The following AIM2 variants were observed in gnomAD, a reference collection of about 807,000 sequenced individuals.
AIM2 encodes absent in melanoma 2, also known as interferon-inducible protein AIM2.
Under a neutral mutation model 27.7 loss-of-function variants are expected in AIM2, and 30 were observed. The observed-to-expected ratio is 1.08, with a 90% CI of 0.81 to 1.47. The LOEUF (loss-of-function observed/expected upper bound fraction) is 1.47. AIM2 is among the 40% of genes most tolerant of loss of function. The pLI is 0.00. For synonymous variants in AIM2, 141 were observed against 145.3 expected, an observed-to-expected ratio of 0.97 and a Z score of 0.21; for missense variants, 358 against 411.3, an observed-to-expected ratio of 0.87 and a Z score of 1.12.
chr1:159,131,977 C>A (rs1343227725), intron 1 of AIM2, among the ~76,000 whole-genome samples: 1 of 152,012 alleles, frequency 6.6e-6, no homozygotes, highest in African/African-American at 2.4e-5. Context: ...CCTGCTTTGA[C>A]CCCAAAATAC....
chr1:159,112,039 C>T (rs1657588637), intron 1 of AIM2, among the ~76,000 whole-genome samples: 1 of 151,684 alleles, frequency 6.6e-6, no homozygotes, highest in Admixed American at 6.6e-5. Flanking sequence ...GAGACTCTGA[C>T]TCAAAAAATA....
chr1:159,120,587 C>G (rs1309428253), intron 1 of AIM2, among the ~76,000 whole-genome samples: 1 of 152,140 alleles, frequency 6.6e-6, no homozygotes, highest in Non-Finnish European at 1.5e-5. Context: ...CATTATAACC[C>G]TTGAACCAGA....
chr1:159,128,309 T>A lies in AIM2; in HGVS notation c.-16+12122A>T, dbSNP rs75579402. On this transcript the variant is annotated intron_variant, in intron 1 of 2. Coordinates refer to the AIM2 transcript ENST00000368129. ...CACACACCACCCCAAGCCCTGCCAT[T>A]TTTCTGCATGACTCTGGGGTTACAC... Among the ~76,000 whole-genome samples, 996 of 151,678 alleles carry A rather than the reference T, an allele frequency of 6.6e-3. 8 individuals carry two copies. The highest frequency in any genetic ancestry group is 0.023 in the African/African-American group (933 of 41,340).
At position 159,084,381 on chromosome 1, in the gene AIM2, C is replaced by T. The variant is rs1187361093; in HGVS notation, c.-15-18052G>A. On this transcript the variant is annotated intron_variant, in intron 1 of 2. Coordinates refer to the AIM2 transcript ENST00000368129. Reference sequence around the variant, plus strand: ...GCTCAAAACACAGCTAGACTTCCTACTGGAGAGAAAGCAACAATCTTGAAC... The same window carrying T: ...GCTCAAAACACAGCTAGACTTCCTATTGGAGAGAAAGCAACAATCTTGAAC... Among the ~76,000 whole-genome samples the T allele has an allele frequency of 3.3e-5, 5 of 152,210 alleles. No individual in the cohort carries two copies. In the East Asian group the frequency reaches 9.7e-4, roughly 29 times the overall value.
At chr1:159,096,024 A>T (rs1657174157) in intron 1 of AIM2, among the ~76,000 whole-genome samples, 1 of 152,228 alleles carries the variant, frequency 6.6e-6, no homozygotes, top group South Asian at 2.1e-4. Context: ...ATCTCATGTT[A>T]CCACAAGCCA....
rs574246888 is a variant in AIM2, at chr1:159,093,184, G to A, written c.-15-26855C>T. Among the ~76,000 whole-genome samples the A allele has an allele frequency of 4.2e-4, 63 of 151,772 alleles. No individual in the cohort carries two copies. The South Asian group carries it at 0.011, about 28-fold the overall frequency. ...AACCCATACAAATACACAAACACACGCAACTTCATGACACTAATGGAAAAG... is the reference window on the plus strand; with the variant it reads ...AACCCATACAAATACACAAACACACACAACTTCATGACACTAATGGAAAAG... On this transcript the variant is annotated intron_variant, in intron 1 of 2. Coordinates refer to the AIM2 transcript ENST00000368129.
intron 1 of AIM2, among the ~76,000 whole-genome samples, chr1:159,119,774 C>CTATGTGTGTGTGTGCATGTGTTTGTG (rs1415412258): frequency 6.6e-6 from 1 of 151,998 alleles, no homozygotes; most frequent in East Asian, 1.9e-4. Flanking sequence ...CACCCCCACC[C>CTATGTGTGTGTGTGCATGTGTTTGTG]TATGTGTGTG....
chr1:159,108,338 C>T (rs747671641), intron 1 of AIM2, among the ~76,000 whole-genome samples: 17 of 152,130 alleles, frequency 1.1e-4, no homozygotes, highest in Non-Finnish European at 2.2e-4. Flanking sequence ...TCAACAAAAT[C>T]CAGCATCCCT....
chr1:159,134,007 C>A (rs1180970394), intron 1 of AIM2, among the ~76,000 whole-genome samples: 1 of 152,162 alleles, frequency 6.6e-6, no homozygotes, highest in Non-Finnish European at 1.5e-5. Flanking sequence ...TTAGAAGCTC[C>A]AAACTGAACT....
At chr1:159,134,304 T>C (rs993837936) in intron 1 of AIM2, among the ~76,000 whole-genome samples, 3 of 152,228 alleles carry the variant, frequency 2.0e-5, no homozygotes, top group East Asian at 1.9e-4. Flanking sequence ...CAAGCATCTA[T>C]CCTGGCAGCC....
chr1:159,068,447 G>A (rs1656205850), intron 3 of AIM2, 121 bp downstream of exon 3: 3 of 1,319,220 alleles, frequency 2.3e-6, no homozygotes, highest in Non-Finnish European at 3.1e-6. Context: ...TGCTTTTCAT[G>A]CTGTGGCCTT....
At chr1:159,142,821 G>C (rs78924122), upstream of AIM2, among the ~76,000 whole-genome samples, 1 of 152,064 alleles carries the variant, frequency 6.6e-6, no homozygotes, top group Non-Finnish European at 1.5e-5. Flanking sequence ...CTCACTTTCA[G>C]CTCATTTTCT....
At chr1:159,087,827 C>A (rs1290200049) in intron 1 of AIM2, among the ~76,000 whole-genome samples, 1 of 152,062 alleles carries the variant, frequency 6.6e-6, no homozygotes, top group African/African-American at 2.4e-5. Flanking sequence ...CCTATCTTGG[C>A]CCCCCAAAGT....
chr1:159,133,855 G>A (rs893758341), intron 1 of AIM2, among the ~76,000 whole-genome samples: 3 of 151,910 alleles, frequency 2.0e-5, no homozygotes, highest in African/African-American at 4.8e-5. Flanking sequence ...TTTCCTATGT[G>A]ATCTTATTCA....
chr1:159,076,615 C>A lies in AIM2; in HGVS notation c.-21+18G>T, dbSNP rs2298802. 6.6e-6 allele frequency: 1 copy of A among 152,346 alleles called. No homozygotes were observed. Among genetic ancestry groups the A allele is most frequent in the East Asian group, 1.9e-4 (1 of 5,164 alleles). 9.4% of individuals were successfully genotyped at this position (152,346 alleles called of 1,614,324 possible). ...GTTAAGTCTCTCGTCTCTAACCCAG[C>A]TCCTCTATGGTGCTTACCTCCTGAT... On this transcript the variant is annotated intron_variant, in intron 1 of 5. Coordinates refer to ENST00000368130, the MANE Select transcript of AIM2 (RefSeq NM_004833.3).
intron 1 of AIM2, among the ~76,000 whole-genome samples, chr1:159,115,899 T>C (rs922422037): frequency 3.3e-5 from 5 of 152,070 alleles, no homozygotes; most frequent in Middle Eastern, 3.4e-3. Flanking sequence ...ACAGGCAACC[T>C]ACAGAATGGG....
chr1:159,091,677 G>T (rs1657047184), intron 1 of AIM2, among the ~76,000 whole-genome samples: 2 of 152,238 alleles, frequency 1.3e-5, no homozygotes, highest in South Asian at 4.1e-4. Flanking sequence ...ATGCCCTTGG[G>T]GGAAGGTATT....
At chr1:159,126,015 T>A (rs191943457) in intron 1 of AIM2, among the ~76,000 whole-genome samples, 4 of 152,320 alleles carry the variant, frequency 2.6e-5, no homozygotes, top group African/African-American at 9.6e-5. Flanking sequence ...TGCAAGTCAG[T>A]CCACTCCAAT....
At chr1:159,133,790 T>C (rs1285424302) in intron 1 of AIM2, among the ~76,000 whole-genome samples, 1 of 152,222 alleles carries the variant, frequency 6.6e-6, no homozygotes, top group Non-Finnish European at 1.5e-5. Flanking sequence ...TGTTATTAAA[T>C]GCTGAAGTTC....
Sources: gnomAD v4.1 joint callset for allele counts (sites outside exome capture counted in the v4.1 genomes callset) on GRCh38, gnomAD v4.1.1 for gene constraint, MANE v1.5 for transcripts, NCBI Gene and HGNC (gene_info 2026-07-23, HGNC 2026-07-21) for gene names.